Variants in FZD5 observed in about 807,000 individuals in gnomAD.
FZD5 encodes the protein frizzled class receptor 5, also known as frizzled-5.
Under a neutral mutation model 40.8 loss-of-function variants are expected in FZD5, and 12 were observed. The observed-to-expected ratio is 0.29, with a 90% CI of 0.19 to 0.48. The LOEUF (loss-of-function observed/expected upper bound fraction) is 0.48. FZD5 is among the 20% of genes least tolerant of loss of function. The pLI, the probability that FZD5 is intolerant of heterozygous loss-of-function variation, is 0.99. For missense variants in FZD5, 622 were observed against 832.8 expected, an observed-to-expected ratio of 0.75 and a Z score of 3.12; for synonymous variants, 380 against 383.7, an observed-to-expected ratio of 0.99 and a Z score of 0.11.
rs867893509 is a variant in FZD5 at position 207,767,169 on chromosome 2, C to T, written c.1571G>A (p.Gly524Asp). The part of the protein sequence containing the change: ...GITSGVWIWS[G>D]KTVESWRRFT... Reference sequence around the variant, plus strand: ...ACGCCGCCACGACTCCACCGTCTTGCCCGACCAGATCCAGACGCCCGACGT... The same window carrying T: ...ACGCCGCCACGACTCCACCGTCTTGTCCGACCAGATCCAGACGCCCGACGT... The change falls in exon 2 of 2, where the codon GGC (glycine) becomes GAC (aspartate). Residue 524 changes from glycine to aspartate, a missense_variant. This residue lies in a region of FZD5 where 154 missense variants were observed against 152.1 expected (regional missense o/e 1.01). Coordinates refer to ENST00000295417, the MANE Select transcript of FZD5 (RefSeq NM_003468.4). The T allele has an allele frequency of 1.3e-6, 2 of 1,589,300 alleles. No homozygotes were observed. The highest frequency in any genetic ancestry group is 1.7e-4 in the Middle Eastern group (1 of 6,036).
In FZD5 at chr2:207,768,898, T is replaced by C. The variant is rs2091996530; in HGVS notation, c.-159A>G. On this transcript the variant is annotated 5_prime_UTR_variant, in exon 2 of 2. Coordinates refer to ENST00000295417, the MANE Select transcript of FZD5 (RefSeq NM_003468.4). ...TAAAGAAAACCGTCCAAAGATAAACTGCTTCGGGAAGGCGCTGCCTCCGCT... is the reference window on the plus strand; with the variant it reads ...TAAAGAAAACCGTCCAAAGATAAACCGCTTCGGGAAGGCGCTGCCTCCGCT... 1.6e-6 allele frequency: 1 copy of C among 633,922 alleles called. No individual in the cohort carries two copies. The highest frequency in any genetic ancestry group is 4.4e-4 in the Middle Eastern group (1 of 2,288). The allele number at this position is 633,922 out of a possible 1,614,324, so 39.3% of individuals were successfully genotyped here.
In FZD5 at chr2:207,767,360, G is replaced by A. The variant is rs752911456; in HGVS notation, c.1380C>T (p.Pro460=). 5.0e-6 allele frequency: 8 copies of A among 1,612,368 alleles called. No homozygotes were observed. The African/African-American group carries it at 9.3e-5, about 19-fold the overall frequency. ...GGTAGCAGGCCACCACAATGCTGGCGGGGACCGTGTAGAGCAGCGTGAAGA... is the reference window on the plus strand; with the variant it reads ...GGTAGCAGGCCACCACAATGCTGGCAGGGACCGTGTAGAGCAGCGTGAAGA... ...IGIFTLLYTV[P]ASIVVACYLY... The change falls in exon 2 of 2, where the codon CCC becomes CCT. Residue 460 remains proline, a synonymous_variant. Coordinates refer to ENST00000295417, the MANE Select transcript of FZD5 (RefSeq NM_003468.4).
chr2:207,767,947 G>C lies in FZD5; in HGVS notation c.793C>G (p.Arg265Gly). The C allele has an allele frequency of 6.2e-7, 1 of 1,601,640 alleles. No individual in the cohort carries two copies. Among genetic ancestry groups the C allele is most frequent in the South Asian group, 1.1e-5 (1 of 89,232 alleles). The change falls in exon 2 of 2, where the codon CGC (arginine) becomes GGC (glycine). Residue 265 changes from arginine (R) to glycine (G), a missense_variant. Coordinates refer to ENST00000295417, the MANE Select transcript of FZD5 (RefSeq NM_003468.4). The stretch of plus-strand genomic sequence containing the variant: ...AAGATGATGGGGCGCTCAGGATAGC[G>C]GAAGCGTTCCATGTCGATGAGGAAG... ...ATFLIDMERF[R>G]YPERPIIFLS...
rs1284615521 is a variant in FZD5, at chr2:207,768,313, C to T, written c.427G>A (p.Ala143Thr). The T allele has an allele frequency of 2.1e-5, 33 of 1,541,870 alleles. No homozygotes were observed. The highest frequency in any genetic ancestry group is 2.5e-5 in the Non-Finnish European group (29 of 1,149,472). The part of the protein sequence containing the change: ...CDRLPVLGRD[A>T]EVLCMDYNRS... ...TTGTAATCCATGCAGAGGACCTCGGCGTCGCGGCCCAGCACCGGGAGGCGG... is the reference window on the plus strand; with the variant it reads ...TTGTAATCCATGCAGAGGACCTCGGTGTCGCGGCCCAGCACCGGGAGGCGG... The change falls in exon 2 of 2, where the codon GCC becomes ACC. Residue 143 changes from alanine to threonine, a missense_variant. By Grantham distance (58) the Ala-to-Thr change is moderately conservative (BLOSUM62 0). Around this residue, in one of 4 missense-constraint regions of FZD5, gnomAD observed 144 missense variants for 214.2 expected, o/e 0.67. Coordinates refer to ENST00000295417, the MANE Select transcript of FZD5 (RefSeq NM_003468.4).
chr2:207,768,374 C>T lies in FZD5; in HGVS notation c.366G>A (p.Gln122=), dbSNP rs1223098876. 1 of 1,598,338 alleles carries T rather than the reference C, an allele frequency of 6.3e-7. No individual in the cohort carries two copies. The highest frequency in any genetic ancestry group is 8.5e-7 in the Non-Finnish European group (1 of 1,176,220). ...TGCGCTCGGGCCAGGCGAAGCCGTA[C>T]TGGCGCATCAGCGGCGAGCAGCCGG... ...AKAGCSPLMR[Q]YGFAWPERMS... Residue 122 remains glutamine (Q), a synonymous_variant, in exon 2 of 2, where the codon CAG becomes CAA. Transcript: ENST00000295417.
Position 207,763,734 on chromosome 2 carries a change from G to C in FZD5, c.*3248C>G, listed in dbSNP as rs1425104676. The stretch of plus-strand genomic sequence containing the variant: ...TCCCATTCTGTACTGGAGAGTGCAG[G>C]TCACGGATGCTGTTATTAAGGTTTG... On this transcript the variant is annotated 3_prime_UTR_variant, in exon 2 of 2. Coordinates refer to ENST00000295417, the MANE Select transcript of FZD5 (RefSeq NM_003468.4). 6.6e-6 allele frequency: 1 copy of C among 152,650 alleles called. No homozygotes were observed. Among genetic ancestry groups the C allele is most frequent in the African/African-American group, 2.4e-5 (1 of 41,434 alleles). 9.5% of individuals were successfully genotyped at this position (152,650 alleles called of 1,614,324 possible).
chr2:207,768,208 A>G lies in FZD5; in HGVS notation c.532T>C (p.Ser178Pro). 1 of 1,582,740 alleles carries G rather than the reference A, an allele frequency of 6.3e-7. No individual in the cohort carries two copies. Among genetic ancestry groups the G allele is most frequent in the Non-Finnish European group, 8.5e-7 (1 of 1,170,048 alleles). ...CCCCCAGCGGGGCATTCGCCCCCCGAGGCCGGCGCCCCTGGCGGGCCTGGA... is the reference window on the plus strand; with the variant it reads ...CCCCCAGCGGGGCATTCGCCCCCCGGGGCCGGCGCCCCTGGCGGGCCTGGA... Reference protein sequence around the residue: ...TLPGPPGAPASGGECPAGGPF... With the variant: ...TLPGPPGAPAPGGECPAGGPF... Residue 178 changes from serine (S) to proline (P), a missense_variant, in exon 2 of 2, where the codon TCG becomes CCG. Around this residue, in one of 4 missense-constraint regions of FZD5, gnomAD observed 116 missense variants for 117.7 expected, o/e 0.99. Coordinates refer to ENST00000295417, the MANE Select transcript of FZD5 (RefSeq NM_003468.4).
rs1179764930 is a variant in FZD5 at position 207,764,573 on chromosome 2, C to G, written c.*2409G>C. ...AAAGATCCTGACTAATATTGCCCCC[C>G]ACTTGGGCTTAGCGTCCTTTGTTTT... On this transcript the variant is annotated 3_prime_UTR_variant, in exon 2 of 2. Coordinates refer to ENST00000295417, the MANE Select transcript of FZD5 (RefSeq NM_003468.4). The G allele has an allele frequency of 6.6e-6, 1 of 152,190 alleles. No homozygotes were observed. The highest frequency in any genetic ancestry group is 1.5e-5 in the Non-Finnish European group (1 of 68,038). The allele number at this position is 152,190 out of a possible 1,614,324, so 9.4% of individuals were successfully genotyped here.
Position 207,767,466 on chromosome 2 carries a change from G to A in FZD5, c.1274C>T (p.Ser425Leu). 1 of 1,610,994 alleles carries A rather than the reference G, an allele frequency of 6.2e-7. No individual in the cohort carries two copies. Among genetic ancestry groups the A allele is most frequent in the South Asian group, 1.1e-5 (1 of 91,084 alleles). The change falls in exon 2 of 2, where the codon TCG becomes TTG. Residue 425 changes from serine to leucine, a missense_variant. Around this residue, in one of 4 missense-constraint regions of FZD5, gnomAD observed 208 missense variants for 348.9 expected, o/e 0.60. Coordinates refer to ENST00000295417, the MANE Select transcript of FZD5 (RefSeq NM_003468.4). ...GATGACGCTGCGGATGCGGAAGAGC[G>A]ACACGAAGCCCGCCAGCAGGAAGAG... ...GTLFLLAGFV[S>L]LFRIRSVIKQ...
In FZD5 at chr2:207,768,422, G is replaced by A. The variant is rs2091993389; in HGVS notation, c.318C>T (p.Arg106=). The A allele has an allele frequency of 8.7e-6, 14 of 1,608,372 alleles. No individual in the cohort carries two copies. The highest frequency in any genetic ancestry group is 1.2e-5 in the Non-Finnish European group (14 of 1,179,634). Residue 106 remains arginine, a synonymous_variant, in exon 2 of 2, where the codon CGC becomes CGT. Coordinates refer to ENST00000295417, the MANE Select transcript of FZD5 (RefSeq NM_003468.4). ...PDYHKPLPPC[R]SVCERAKAGC... is the part of the protein sequence containing the mutation. ...CGGCCTTGGCGCGCTCGCACACCGA[G>A]CGGCAGGGCGGCAGCGGCTTGTGGT... is the stretch of plus-strand genomic sequence containing the variant.
In FZD5 at chr2:207,767,683, T is replaced by A; in HGVS notation, c.1057A>T (p.Ile353Phe). Residue 353 changes from isoleucine to phenylalanine, a missense_variant, in exon 2 of 2, where the codon ATC (isoleucine) becomes TTC (phenylalanine). Physicochemically the swap from Ile to Phe is conservative, Grantham distance 21 (BLOSUM62 0). Around this residue, in one of 4 missense-constraint regions of FZD5, gnomAD observed 208 missense variants for 348.9 expected, o/e 0.60. Coordinates refer to ENST00000295417, the MANE Select transcript of FZD5 (RefSeq NM_003468.4). The part of the protein sequence containing the change: ...AAGMKWGNEA[I>F]AGYAQYFHLA... ...TGGAAGTACTGCGCGTAGCCCGCGA[T>A]GGCCTCGTTGCCCCACTTCATGCCG... 3 of 1,613,836 alleles carry A rather than the reference T, an allele frequency of 1.9e-6. No individual in the cohort carries two copies. Among genetic ancestry groups the A allele is most frequent in the Non-Finnish European group, 2.5e-6 (3 of 1,179,872 alleles).
chr2:207,767,543 C>G lies in FZD5; in HGVS notation c.1197G>C (p.Ser399=). The G allele has an allele frequency of 6.2e-7, 1 of 1,610,458 alleles. No homozygotes were observed. Among genetic ancestry groups the G allele is most frequent in the African/African-American group, 1.3e-5 (1 of 75,058 alleles). The change falls in exon 2 of 2, where the codon TCG becomes TCC. Residue 399 remains serine, a synonymous_variant. Coordinates refer to ENST00000295417, the MANE Select transcript of FZD5 (RefSeq NM_003468.4). ...ICYVGNQNLN[S]LRGFVLGPLV... ...GCGGGCCCAGCACGAAGCCGCGCAG[C>G]GAGTTCAGGTTCTGGTTGCCCACGT... is the stretch of plus-strand genomic sequence containing the variant.
In FZD5 at chr2:207,768,557, G is replaced by A. The variant is rs1230646207; in HGVS notation, c.183C>T (p.Asp61=). ...ACTGGTGCACCTCCAGGCCCGCCTC[G>A]TCCTGCGTGTCGTGGTTGAACTGGT... The part of the protein sequence containing the change: ...MPNQFNHDTQ[D]EAGLEVHQFW... Residue 61 remains aspartate (D), a synonymous_variant, in exon 2 of 2, where the codon GAC becomes GAT. Transcript: ENST00000295417. 2 of 1,613,970 alleles carry A rather than the reference G, an allele frequency of 1.2e-6. No individual in the cohort carries two copies. The highest frequency in any genetic ancestry group is 1.7e-5 in the Admixed American group (1 of 60,022).
Position 207,767,443 on chromosome 2 carries a change from T to A in FZD5, c.1297A>T (p.Ile433Phe), listed in dbSNP as rs2091985710. The change falls in exon 2 of 2, where the codon ATC becomes TTC. Residue 433 changes from isoleucine (I) to phenylalanine (F), a missense_variant. Transcript: ENST00000295417. ...FVSLFRIRSV[I>F]KQGGTKTDKL... The stretch of plus-strand genomic sequence containing the variant: ...TCCGTCTTGGTGCCGCCCTGCTTGA[T>A]GACGCTGCGGATGCGGAAGAGCGAC... 6.2e-7 allele frequency: 1 copy of A among 1,612,120 alleles called. No individual in the cohort carries two copies. The highest frequency in any genetic ancestry group is 8.5e-7 in the Non-Finnish European group (1 of 1,179,938).
rs1217176563 is a variant in FZD5, at chr2:207,767,675, G to A, written c.1065C>T (p.Gly355=). ...GMKWGNEAIA[G]YAQYFHLAAW... ...CAGCCAGGTGGAAGTACTGCGCGTA[G>A]CCCGCGATGGCCTCGTTGCCCCACT... is the stretch of plus-strand genomic sequence containing the variant. The change falls in exon 2 of 2, where the codon GGC becomes GGT. Residue 355 remains glycine, a synonymous_variant. Transcript: ENST00000295417. The A allele has an allele frequency of 1.9e-6, 3 of 1,613,644 alleles. No homozygotes were observed. The highest frequency in any genetic ancestry group is 1.7e-6 in the Non-Finnish European group (2 of 1,179,802).
rs753224761 is a variant in FZD5 at position 207,768,224 on chromosome 2, C to A, written c.516G>T (p.Pro172=). The change falls in exon 2 of 2, where the codon CCG becomes CCT. Residue 172 remains proline, a synonymous_variant. Transcript: ENST00000295417. ...CGCCCCCCGAGGCCGGCGCCCCTGGCGGGCCTGGAAGGGTGGGCTTGGCTG... is the reference window on the plus strand; with the variant it reads ...CGCCCCCCGAGGCCGGCGCCCCTGGAGGGCCTGGAAGGGTGGGCTTGGCTG... ...PFPAKPTLPG[P]PGAPASGGEC... 2.9e-5 allele frequency: 46 copies of A among 1,567,352 alleles called. No homozygotes were observed. Among genetic ancestry groups the A allele is most frequent in the Non-Finnish European group, 3.9e-5 (45 of 1,162,412 alleles).
In FZD5 at chr2:207,767,855, G is replaced by A; in HGVS notation, c.885C>T (p.Ser295=). ...FLVRLVVGHA[S]VACSREHNHI... ...GGTTGTGCTCGCGGCTGCAGGCCACGCTGGCATGGCCCACGACCAGACGCA... is the reference window on the plus strand; with the variant it reads ...GGTTGTGCTCGCGGCTGCAGGCCACACTGGCATGGCCCACGACCAGACGCA... Residue 295 remains serine (S), a synonymous_variant, in exon 2 of 2, where the codon AGC becomes AGT. Transcript: ENST00000295417. 1.3e-6 allele frequency: 2 copies of A among 1,599,048 alleles called. No individual in the cohort carries two copies. The highest frequency in any genetic ancestry group is 1.1e-5 in the South Asian group (1 of 89,118).
rs1382025581 is a variant in FZD5, at chr2:207,768,911, C to A, written c.-172G>T. On this transcript the variant is annotated 5_prime_UTR_variant, in exon 2 of 2. Coordinates refer to ENST00000295417, the MANE Select transcript of FZD5 (RefSeq NM_003468.4). ...CCAAAGATAAACTGCTTCGGGAAGG[C>A]GCTGCCTCCGCTGGCAGCGCTCCGC... 5 of 608,888 alleles carry A rather than the reference C, an allele frequency of 8.2e-6. No individual in the cohort carries two copies. Among genetic ancestry groups the A allele is most frequent in the Non-Finnish European group, 1.5e-5 (5 of 341,364 alleles). The allele number at this position is 608,888 out of a possible 1,614,324, so 37.7% of individuals were successfully genotyped here. A position where few individuals can be genotyped will look rare whatever the true frequency, so the allele number is the denominator to read the frequency against.
Position 207,765,861 on chromosome 2 carries a change from A to G in FZD5, c.*1121T>C, listed in dbSNP as rs1346404699. On this transcript the variant is annotated 3_prime_UTR_variant, in exon 2 of 2. Coordinates refer to ENST00000295417, the MANE Select transcript of FZD5 (RefSeq NM_003468.4). Reference sequence around the variant, plus strand: ...ATCACAGCTCTCCAGGAGAGGAGGAATAAGAAAAGCAAAAAGGCTGTTTAA... The same window carrying G: ...ATCACAGCTCTCCAGGAGAGGAGGAGTAAGAAAAGCAAAAAGGCTGTTTAA... The G allele has an allele frequency of 6.6e-6, 1 of 151,776 alleles. No individual in the cohort carries two copies. The highest frequency in any genetic ancestry group is 1.5e-5 in the Non-Finnish European group (1 of 67,862). The allele number at this position is 151,776 out of a possible 1,614,324, so 9.4% of individuals were successfully genotyped here. A position where few individuals can be genotyped will look rare whatever the true frequency, so the allele number is the denominator to read the frequency against.
Sources: allele counts gnomAD v4.1 joint callset, GRCh38; gene constraint gnomAD v4.1.1; regional missense constraint gnomAD v4.1.1; transcripts MANE v1.5; gene names NCBI Gene and HGNC (gene_info 2026-07-23, HGNC 2026-07-21).